Variants in ASIC2 observed in about 807,000 individuals in gnomAD.
ASIC2 encodes acid-sensing ion channel 2.
In ASIC2, 25 loss-of-function variants were observed where a neutral mutation model predicts 57.3. The observed-to-expected ratio is 0.44, with a 90% confidence interval of 0.32 to 0.61. The LOEUF is 0.61. Ranked by LOEUF, ASIC2 falls within the 20% of genes least tolerant of loss-of-function variation. ASIC2 has a pLI of 0.06. For missense variants in ASIC2, 641 were observed against 738.1 expected (o/e 0.87, Z 1.52); for synonymous variants, 319 against 307.5 (o/e 1.04, Z -0.39).
chr17:33,287,879 G>T (rs1381793679), intron 1 of ASIC2, among the ~76,000 whole-genome samples: 2 of 152,134 alleles, frequency 1.3e-5, no homozygotes, highest in African/African-American at 4.8e-5. Context: ...TCCCTTCTCT[G>T]TTCCCAAAAG....
intron 1 of ASIC2, among the ~76,000 whole-genome samples, chr17:34,027,322 C>G (rs1264289362): frequency 6.6e-6 from 1 of 152,340 alleles, no homozygotes; most frequent in Admixed American, 6.5e-5. Flanking sequence ...GCATTCTCTA[C>G]TTTTGCAATC....
intron 1 of ASIC2, among the ~76,000 whole-genome samples, chr17:33,737,417 G>A (rs564312874): frequency 2.0e-5 from 3 of 152,236 alleles, no homozygotes; most frequent in East Asian, 1.9e-4. Context: ...AGGACCTCCT[G>A]TCTCTTTCCT....
At chr17:33,582,589 T>A (rs1344375130) in intron 1 of ASIC2, among the ~76,000 whole-genome samples, 1 of 152,146 alleles carries the variant, frequency 6.6e-6, no homozygotes, top group Non-Finnish European at 1.5e-5. Context: ...CCTCATAGGG[T>A]TGTCACAAGG....
intron 1 of ASIC2, among the ~76,000 whole-genome samples, chr17:33,960,055 T>A (rs988035709): frequency 6.6e-6 from 1 of 152,214 alleles, no homozygotes; most frequent in Non-Finnish European, 1.5e-5. Context: ...CCCATCAGCA[T>A]AGTTCAACCT....
At chr17:33,730,502 G>A (rs1597852766) in intron 1 of ASIC2, among the ~76,000 whole-genome samples, 1 of 152,264 alleles carries the variant, frequency 6.6e-6, no homozygotes, top group Non-Finnish European at 1.5e-5. Flanking sequence ...TCATTCAACA[G>A]TCCTTAGGCT....
At chr17:33,349,127 G>A (rs764372993) in intron 1 of ASIC2, among the ~76,000 whole-genome samples, 2 of 152,158 alleles carry the variant, frequency 1.3e-5, no homozygotes, top group Non-Finnish European at 2.9e-5. Flanking sequence ...TGAAAGGAGC[G>A]GCTGCTTCTC....
chr17:34,130,528 A>G (rs893514723), intron 1 of ASIC2, among the ~76,000 whole-genome samples: 1 of 152,244 alleles, frequency 6.6e-6, no homozygotes, highest in Non-Finnish European at 1.5e-5. Context: ...ACAGGGAAAG[A>G]GACAAGAAAG....
At chr17:33,151,900 C>T (rs1223765219) in intron 1 of ASIC2, among the ~76,000 whole-genome samples, 1 of 152,204 alleles carries the variant, frequency 6.6e-6, no homozygotes, top group African/African-American at 2.4e-5. Context: ...GGAGTAATCA[C>T]CCTGTGTTAA....
In ASIC2 at chr17:33,438,792, G is replaced by A. The variant is rs1196230380; in HGVS notation, c.556-326725C>T. The stretch of plus-strand genomic sequence containing the variant: ...CATGACCTGGCCCAACCAATCAGAA[G>A]CACTCACTTCAGCCTCTGGGGTTCT... On this transcript the variant is annotated intron_variant, in intron 1 of 9. Transcript: ENST00000359872. Among the ~76,000 whole-genome samples the A allele has an allele frequency of 2.6e-5, 4 of 151,216 alleles. No homozygotes were observed. The East Asian group carries it at 7.8e-4, about 29-fold the overall frequency.
At chr17:33,207,954 C>T (rs1262261159) in intron 1 of ASIC2, among the ~76,000 whole-genome samples, 1 of 152,182 alleles carries the variant, frequency 6.6e-6, no homozygotes, top group East Asian at 1.9e-4. Context: ...CCCTGTTTCC[C>T]TATCTGTGTT....
chr17:33,748,508 GCT>G, intron 1 of ASIC2, among the ~76,000 whole-genome samples: 1 of 152,308 alleles, frequency 6.6e-6, no homozygotes, highest in East Asian at 1.9e-4. Context: ...TAAAAGCAGG[GCT>G]TCCTGATAGG....
intron 1 of ASIC2, among the ~76,000 whole-genome samples, chr17:33,565,360 TG>T (rs1469014695): frequency 2.0e-5 from 3 of 152,222 alleles, no homozygotes; most frequent in African/African-American, 4.8e-5. Context: ...GTTGAGGTTC[TG>T]GGAGGACATA....
intron 3 of ASIC2, among the ~76,000 whole-genome samples, chr17:33,044,257 TCTAC>T (rs1359860454): frequency 7.8e-6 from 1 of 128,226 alleles, no homozygotes; most frequent in Non-Finnish European, 1.7e-5. Context: ...TGTTCATCCA[TCTAC>T]CCATCCATCC....
intron 1 of ASIC2, among the ~76,000 whole-genome samples, chr17:33,215,735 T>G (rs566168285): frequency 6.6e-6 from 1 of 150,986 alleles, no homozygotes; most frequent in African/African-American, 2.4e-5. Flanking sequence ...GGAGTCTCGC[T>G]GTCGCCCAGG....
intron 3 of ASIC2, among the ~76,000 whole-genome samples, chr17:33,030,609 G>C (rs1369171527): frequency 6.6e-6 from 1 of 152,116 alleles, no homozygotes; most frequent in Non-Finnish European, 1.5e-5. Flanking sequence ...ATCTTAGGAA[G>C]GAGGGTTCAT....
intron 1 of ASIC2, among the ~76,000 whole-genome samples, chr17:33,485,598 C>A (rs1053933563): frequency 7.2e-5 from 11 of 152,178 alleles, no homozygotes; most frequent in African/African-American, 2.7e-4. Context: ...TCTTCACAGC[C>A]AGTGAGACTC....
intron 1 of ASIC2, among the ~76,000 whole-genome samples, chr17:33,740,222 T>C (rs1485388642): frequency 2.0e-5 from 3 of 152,130 alleles, no homozygotes; most frequent in Non-Finnish European, 4.4e-5. Flanking sequence ...AATATTATGA[T>C]ATATAGTTTG....
At chr17:33,646,034 G>A (rs1906728538) in intron 1 of ASIC2, among the ~76,000 whole-genome samples, 1 of 152,092 alleles carries the variant, frequency 6.6e-6, no homozygotes, top group African/African-American at 2.4e-5. Flanking sequence ...GGATCCAAAT[G>A]CACAACTGCC....
At chr17:33,951,665 C>A (rs1243652541) in intron 1 of ASIC2, among the ~76,000 whole-genome samples, 1 of 152,024 alleles carries the variant, frequency 6.6e-6, no homozygotes, top group Non-Finnish European at 1.5e-5. Flanking sequence ...TCACTGCAAC[C>A]TCCACCTTCT....
Sources: gnomAD v4.1 joint callset for allele counts (sites outside exome capture counted in the v4.1 genomes callset) on GRCh38, gnomAD v4.1.1 for gene constraint, MANE v1.5 for transcripts, NCBI Gene and HGNC (gene_info 2026-07-23, HGNC 2026-07-21) for gene names.